The following MTX1 variants were observed in gnomAD, a reference collection of about 807,000 sequenced individuals.
MTX1 encodes the protein metaxin 1.
A neutral mutation model predicts 39.4 loss-of-function variants in MTX1; 20 were observed. The ratio of observed to expected loss-of-function variants is 0.51; its 90% CI spans 0.36 to 0.74. MTX1 has a LOEUF of 0.74. Ranked by LOEUF, MTX1 falls within the 30% of genes least tolerant of loss-of-function variation. The probability of loss-of-function intolerance (pLI) is 0.00; values close to 1 mark genes in which losing one functional copy is unlikely to be tolerated. For synonymous variants in MTX1, 209 were observed against 198.6 expected, an observed-to-expected ratio of 1.05 and a Z score of -0.44; for missense variants, 481 against 485.9, an observed-to-expected ratio of 0.99 and a Z score of 0.10.
chr1:155,211,762 T>C (rs1671138211), intron 3 of MTX1: 2 of 172,488 alleles, frequency 1.2e-5, no homozygotes, highest in South Asian at 1.3e-4. Flanking sequence ...CTGAGCTCCG[T>C]TGTGCTAGCT....
chr1:155,209,456 CAAAG>C, intron 1 of MTX1, 124 bp downstream of exon 1: 1 of 1,124,880 alleles, frequency 8.9e-7, no homozygotes, highest in Non-Finnish European at 1.2e-6. Flanking sequence ...CTGAGGCAGT[CAAAG>C]AGCGTACGTG....
chr1:155,209,123 C>G lies in MTX1; in HGVS notation c.319C>G (p.Leu107Val). The change falls in exon 1 of 8, where the codon CTC becomes GTC. Residue 107 changes from leucine (L) to valine (V), a missense_variant. Around this residue, in one of 2 missense-constraint regions of MTX1, gnomAD observed 368 missense variants for 332.8 expected, o/e 1.11. Coordinates refer to ENST00000368376, the MANE Select transcript of MTX1 (RefSeq NM_002455.5). ...AGCTGCCAGTCGGGCCAGAAGAAGC[C>G]TCGCCTCCCCGGGGATCTCCCCAGG... ...SSAASRARRSLASPGISPGPL... is the reference protein window; with the variant it reads ...SSAASRARRSVASPGISPGPL... 2 of 1,542,032 alleles carry G rather than the reference C, an allele frequency of 1.3e-6. No individual in the cohort carries two copies. The highest frequency in any genetic ancestry group is 1.8e-6 in the Non-Finnish European group (2 of 1,142,808).
Position 155,209,340 on chromosome 1 carries a change from G to T in MTX1, c.528+8G>T. 1.4e-6 allele frequency: 2 copies of T among 1,415,144 alleles called. No homozygotes were observed. Among genetic ancestry groups the T allele is most frequent in the Non-Finnish European group, 1.8e-6 (2 of 1,087,662 alleles). 87.7% of individuals were successfully genotyped at this position (1,415,144 alleles called of 1,614,324 possible). Reference sequence around the variant, plus strand: ...GACAGCCTGGCCGTGCTGGTGAGGGGTGGCGCCGGCGCCCTCTGCTGTGCC... The same window carrying T: ...GACAGCCTGGCCGTGCTGGTGAGGGTTGGCGCCGGCGCCCTCTGCTGTGCC... On this transcript the variant is annotated splice_region_variant and intron_variant, in intron 1 of 7. Coordinates refer to ENST00000368376, the MANE Select transcript of MTX1 (RefSeq NM_002455.5).
chr1:155,212,923 T>C (rs1429848318), intron 6 of MTX1, among the ~76,000 whole-genome samples, 153 bp downstream of exon 6: 1 of 130,482 alleles, frequency 7.7e-6, no homozygotes, highest in Admixed American at 7.7e-5. Flanking sequence ...TGTGACTGTG[T>C]GGGGGCCAGA....
rs758898153 is a variant in MTX1 at position 155,212,572 on chromosome 1, C to T, written c.954+5C>T. The T allele has an allele frequency of 1.7e-5, 28 of 1,606,038 alleles. No homozygotes were observed. The South Asian group carries it at 3.0e-4, about 17-fold the overall frequency. On this transcript the variant is annotated splice_donor_5th_base_variant and intron_variant, in intron 5 of 7. Coordinates refer to ENST00000368376, the MANE Select transcript of MTX1 (RefSeq NM_002455.5). The stretch of plus-strand genomic sequence containing the variant: ...GAGGAAGAGCTGGAGAAGGAGGTAG[C>T]TCTGAGACCGGGGGCTATTGTATGA...
chr1:155,211,302 C>G (rs1297976316), intron 3 of MTX1: 1 of 152,958 alleles, frequency 6.5e-6, no homozygotes, highest in East Asian at 1.9e-4. Context: ...GCCAAAGTTC[C>G]TGGCAGAGCC....
In MTX1 at chr1:155,212,069, C is replaced by T. The variant is rs796338365; in HGVS notation, c.679-58C>T. The T allele has an allele frequency of 8.9e-6, 13 of 1,462,432 alleles. 1 individual carries two copies. The African/African-American group carries it at 1.8e-4, about 20-fold the overall frequency. The allele number at this position is 1,462,432 out of a possible 1,614,324, so 90.6% of individuals were successfully genotyped here. A position where few individuals can be genotyped will look rare whatever the true frequency, so the allele number is the denominator to read the frequency against. ...GGGTACCAGACAGGACTCCTTCCTC[C>T]CTGGTGAAGTGCCCTTGCAGCTCCC... On this transcript the variant is annotated intron_variant, in intron 3 of 7. Transcript: ENST00000368376.
At position 155,208,787 on chromosome 1, in the gene MTX1, T is replaced by C. The variant is rs753679940; in HGVS notation, c.-18T>C. ...GGCGGCGCAGGGCCCGCTCCAAACA[T>C]AACGCGCTGTGGAAAACATGCTGCT... On this transcript the variant is annotated 5_prime_UTR_variant, in exon 1 of 8. Coordinates refer to ENST00000368376, the MANE Select transcript of MTX1 (RefSeq NM_002455.5). The C allele has an allele frequency of 2.3e-6, 3 of 1,329,124 alleles. No individual in the cohort carries two copies. Among genetic ancestry groups the C allele is most frequent in the East Asian group, 8.1e-5 (2 of 24,674 alleles). 82.3% of individuals were successfully genotyped at this position (1,329,124 alleles called of 1,614,324 possible). A position where few individuals can be genotyped will look rare whatever the true frequency, so the allele number is the denominator to read the frequency against.
At position 155,213,358 on chromosome 1, in the gene MTX1, C is replaced by T. The variant is rs1222526877; in HGVS notation, c.1153C>T (p.His385Tyr). 2.1e-5 allele frequency: 9 copies of T among 419,728 alleles called. No homozygotes were observed. The highest frequency in any genetic ancestry group is 3.6e-5 in the Non-Finnish European group (9 of 249,166). 26.0% of individuals were successfully genotyped at this position (419,728 alleles called of 1,614,324 possible). ...GCACAACCTCTGTGCCTATTGTACC[C>T]ACATTCTCAGTCTCTACTTCCCCTG... ...GLHNLCAYCT[H>Y]ILSLYFPWDG... The change falls in exon 7 of 8, where the codon CAC becomes TAC. Residue 385 changes from histidine to tyrosine, a missense_variant. Physicochemically the swap from His to Tyr is moderately conservative, Grantham distance 83. Transcript: ENST00000368376.
rs1426984502 is a variant in MTX1, at chr1:155,212,491, A to G, written c.878A>G (p.Gln293Arg). 1 of 1,613,876 alleles carries G rather than the reference A, an allele frequency of 6.2e-7. No homozygotes were observed. Residue 293 changes from glutamine (Q) to arginine (R), a missense_variant, in exon 5 of 8, where the codon CAG becomes CGG. By Grantham distance (43) the Gln-to-Arg change is conservative. This residue lies in a region of MTX1 where 113 missense variants were observed against 153.2 expected (regional missense o/e 0.74). Coordinates refer to ENST00000368376, the MANE Select transcript of MTX1 (RefSeq NM_002455.5). ...PLNFFLPGRM[Q>R]RQYMERLQLL... Reference sequence around the variant, plus strand: ...AACTTCTTCCTGCCTGGCCGCATGCAGCGGCAGTACATGGAACGGCTACAG... The same window carrying G: ...AACTTCTTCCTGCCTGGCCGCATGCGGCGGCAGTACATGGAACGGCTACAG...
rs775577632 is a variant in MTX1 at position 155,210,380 on chromosome 1, T to C, written c.563T>C (p.Val188Ala). Residue 188 changes from valine (V) to alanine (A), a missense_variant, in exon 2 of 8, where the codon GTA becomes GCA. Coordinates refer to ENST00000368376, the MANE Select transcript of MTX1 (RefSeq NM_002455.5). ...AGATTTACTGGTGCTCCACTGAAGG[T>C]ACACAAGATCAGCAACCCCTGGCAG... ...YARFTGAPLK[V>A]HKISNPWQSP... 6 of 1,614,078 alleles carry C rather than the reference T, an allele frequency of 3.7e-6. No individual in the cohort carries two copies. The highest frequency in any genetic ancestry group is 5.1e-6 in the Non-Finnish European group (6 of 1,180,038).
In MTX1 at chr1:155,208,924, A is replaced by T. The variant is rs1304687168; in HGVS notation, c.120A>T (p.Arg40Ser). ...CCCAGACCTGGCCCAGGCGCACAAG[A>T]CCCCGCTCTCCAGAGCCTGCCGCGC... ...KSPQTWPRRT[R>S]PRSPEPAAPS... The change falls in exon 1 of 8, where the codon AGA (arginine) becomes AGT (serine). Residue 40 changes from arginine to serine, a missense_variant. Around this residue, in one of 2 missense-constraint regions of MTX1, gnomAD observed 368 missense variants for 332.8 expected, o/e 1.11. Transcript: ENST00000368376. 5 of 1,610,164 alleles carry T rather than the reference A, an allele frequency of 3.1e-6. No individual in the cohort carries two copies. Among genetic ancestry groups the T allele is most frequent in the Non-Finnish European group, 4.2e-6 (5 of 1,179,314 alleles).
rs1259672582 is a variant in MTX1, at chr1:155,210,620, G to T, written c.671G>T (p.Arg224Leu). ...CCACACAAGATCATCACCCACCTTC[G>T]AAAAGAGGTAGGTGACTTGGATAGA... Reference protein sequence around the residue: ...SVPHKIITHLRKEKYNADYDL... With the variant: ...SVPHKIITHLLKEKYNADYDL... Residue 224 changes from arginine (R) to leucine (L), a missense_variant, in exon 3 of 8, where the codon CGA becomes CTA. Arg to Leu is a moderately radical substitution (Grantham distance 102). Around this residue, in one of 2 missense-constraint regions of MTX1, gnomAD observed 368 missense variants for 332.8 expected, o/e 1.11. Transcript: ENST00000368376. 1 of 1,613,768 alleles carries T rather than the reference G, an allele frequency of 6.2e-7. No individual in the cohort carries two copies. The highest frequency in any genetic ancestry group is 8.5e-7 in the Non-Finnish European group (1 of 1,179,904).
chr1:155,208,730 G>C lies in MTX1; in HGVS notation c.-75G>C. The C allele has an allele frequency of 1.8e-5, 11 of 616,914 alleles. No homozygotes were observed. Among genetic ancestry groups the C allele is most frequent in the African/African-American group, 4.0e-5 (2 of 49,852 alleles). 38.2% of individuals were successfully genotyped at this position (616,914 alleles called of 1,614,324 possible). ...CAGCCCGGCCTCCGCTCCGGCCGCCGCCACCGCCCCTGTTTTGTTTCCATG... is the reference window on the plus strand; with the variant it reads ...CAGCCCGGCCTCCGCTCCGGCCGCCCCCACCGCCCCTGTTTTGTTTCCATG... On this transcript the variant is annotated 5_prime_UTR_variant, in exon 1 of 8. Transcript: ENST00000368376.
chr1:155,210,903 G>A (rs969714240), intron 3 of MTX1: 11 of 483,852 alleles, frequency 2.3e-5, no homozygotes, highest in African/African-American at 2.0e-4. Context: ...TGGTGGGACT[G>A]GAGAGAGATT....
intron 1 of MTX1, 61 bp downstream of exon 1, chr1:155,209,393 G>C: frequency 1.5e-6 from 2 of 1,352,724 alleles, no homozygotes; most frequent in Non-Finnish European, 9.5e-7. Flanking sequence ...GGCCGAACTA[G>C]CCAAGCATCC....
chr1:155,209,413 C>T, intron 1 of MTX1, 81 bp downstream of exon 1: 1 of 1,320,198 alleles, frequency 7.6e-7, no homozygotes. Flanking sequence ...CAAACCTTGC[C>T]AGGGCTACTC....
rs575841640 is a variant in MTX1 at position 155,210,753 on chromosome 1, C to T, written c.678+126C>T. 1.1e-4 allele frequency: 98 copies of T among 866,252 alleles called. No homozygotes were observed. In the Middle Eastern group the frequency reaches 1.7e-3, roughly 15 times the overall value. The allele number at this position is 866,252 out of a possible 1,614,324, so 53.7% of individuals were successfully genotyped here. ...GGTGACCCAGAGCATCAAGGAGCAA[C>T]AGTCTTGTGGCAGAGACACACACAA... On this transcript the variant is annotated intron_variant, in intron 3 of 7. Transcript: ENST00000368376.
chr1:155,212,269 G>A lies in MTX1; in HGVS notation c.771+50G>A, dbSNP rs749792484. ...ATCCATGGCCAGCCGGGGAGGGTTC[G>A]GGAACACACAGACCCACACACAGGC... On this transcript the variant is annotated intron_variant, in intron 4 of 7. Transcript: ENST00000368376. 8 of 1,594,392 alleles carry A rather than the reference G, an allele frequency of 5.0e-6. No homozygotes were observed. In the African/African-American group the frequency reaches 6.7e-5, roughly 13 times the overall value.
Sources: gnomAD v4.1 joint callset for allele counts (sites outside exome capture counted in the v4.1 genomes callset) on GRCh38, gnomAD v4.1.1 for gene constraint, gnomAD v4.1.1 regional missense constraint, MANE v1.5 for transcripts, NCBI Gene and HGNC (gene_info 2026-07-23, HGNC 2026-07-21) for gene names.